The following BCKDHB variants were observed in gnomAD, a reference collection of about 807,000 sequenced individuals.
BCKDHB encodes 2-oxoisovalerate dehydrogenase subunit beta, mitochondrial.
In BCKDHB, 41 loss-of-function variants were observed where a neutral mutation model predicts 48.5. That is an observed-to-expected ratio of 0.85 (90% CI 0.66 to 1.10). The LOEUF is 1.10. Ranked by LOEUF, BCKDHB falls within the 50% of genes least tolerant of loss-of-function variation. BCKDHB has a pLI of 0.00. For missense variants in BCKDHB, 496 were observed against 494.2 expected (o/e 1.00, Z -0.03); for synonymous variants, 201 against 174.8 (o/e 1.15, Z -1.18).
the BCKDHB span, among the ~76,000 whole-genome samples, chr6:80,385,944 T>TA: frequency 6.6e-6 from 1 of 152,120 alleles, no homozygotes; most frequent in African/African-American, 2.4e-5. Context: ...CTTGGGGAGT[T>TA]AAAAAAGTTC....
At chr6:80,230,023 G>GTTTTTTTTTTTTTTTTTTTTTTTTTTTT (rs1215666594) in intron 8 of BCKDHB, among the ~76,000 whole-genome samples, 1 of 89,510 alleles carries the variant, frequency 1.1e-5, no homozygotes, top group Non-Finnish European at 2.0e-5. Flanking sequence ...GGGTTTTTAG[G>GTTTTTTTTTTTTTTTTTTTTTTTTTTTT]TTGTTTTTTT....
intron 9 of BCKDHB, among the ~76,000 whole-genome samples, chr6:80,284,396 A>G (rs1210689191): frequency 1.3e-5 from 2 of 152,134 alleles, no homozygotes; most frequent in Non-Finnish European, 2.9e-5. Flanking sequence ...CAAATCTATC[A>G]ATATTAATGT....
chr6:80,279,157 TG>T (rs776157020), intron 9 of BCKDHB, among the ~76,000 whole-genome samples: 2 of 151,840 alleles, frequency 1.3e-5, no homozygotes, highest in East Asian at 1.9e-4. Flanking sequence ...TGTTTTGTTT[TG>T]TTTTTTTGAG....
chr6:80,402,823 C>T, the BCKDHB span, among the ~76,000 whole-genome samples: 5 of 151,792 alleles, frequency 3.3e-5, no homozygotes, highest in Middle Eastern at 3.4e-3. Flanking sequence ...TTTGCATGCA[C>T]ATAACCAGGT....
the BCKDHB span, among the ~76,000 whole-genome samples, chr6:80,407,181 T>C: frequency 1.3e-5 from 2 of 152,208 alleles, no homozygotes; most frequent in South Asian, 2.1e-4. Context: ...TGTGGTGTTA[T>C]TTCTGAGGCC....
intron 8 of BCKDHB, among the ~76,000 whole-genome samples, chr6:80,272,415 T>C (rs2127963897): frequency 6.6e-6 from 1 of 152,312 alleles, no homozygotes; most frequent in East Asian, 1.9e-4. Flanking sequence ...AATAACCTGC[T>C]GTTGATTTTA....
At position 80,170,209 on chromosome 6, in the gene BCKDHB, A is replaced by G. The variant is rs150880403; in HGVS notation, c.634-1073A>G. Among the ~76,000 whole-genome samples the G allele has an allele frequency of 6.4e-3, 981 of 152,304 alleles. 10 individuals are homozygous for G. Among genetic ancestry groups the G allele is most frequent in the African/African-American group, 0.022 (924 of 41,564 alleles). ...CAGAACAGAAAATAAAATTTTTTAT[A>G]CAGAAAATAGTGACATTTTTGCTGC... On this transcript the variant is annotated intron_variant, in intron 5 of 9. Coordinates refer to ENST00000320393, the MANE Select transcript of BCKDHB (RefSeq NM_183050.4).
At chr6:80,332,339 C>T (rs1029375387) in intron 9 of BCKDHB, among the ~76,000 whole-genome samples, 1 of 152,082 alleles carries the variant, frequency 6.6e-6, no homozygotes, top group Non-Finnish European at 1.5e-5. Flanking sequence ...ATGGCTTGTT[C>T]TGGTATGTGT....
the BCKDHB span, among the ~76,000 whole-genome samples, chr6:80,427,240 G>A: frequency 1.3e-5 from 2 of 151,892 alleles, no homozygotes; most frequent in Admixed American, 1.3e-4. Context: ...CTAATTCTTG[G>A]ATTTGTTTTT....
At chr6:80,212,180 C>T (rs1433101501) in intron 8 of BCKDHB, among the ~76,000 whole-genome samples, 2 of 152,168 alleles carry the variant, frequency 1.3e-5, no homozygotes, top group African/African-American at 2.4e-5. Context: ...AGCAGAGAAC[C>T]GGTCTGACCA....
In BCKDHB at chr6:80,106,733, C is replaced by G; in HGVS notation, c.40C>G (p.Leu14Val). 1 of 1,559,890 alleles carries G rather than the reference C, an allele frequency of 6.4e-7. No individual in the cohort carries two copies. Residue 14 changes from leucine (L) to valine (V), a missense_variant, in exon 1 of 10, where the codon CTC (leucine) becomes GTC (valine). Transcript: ENST00000320393. ...GGCGGCTGCCGGCTGGCTACTCAGG[C>G]TCAGGGCGGCAGGGGCTGAGGGGCA... is the stretch of plus-strand genomic sequence containing the variant. Reference protein sequence around the residue: ...VAAAAGWLLRLRAAGAEGHWR... With the variant: ...VAAAAGWLLRVRAAGAEGHWR...
At chr6:80,241,480 C>T (rs906607021) in intron 8 of BCKDHB, among the ~76,000 whole-genome samples, 3 of 152,102 alleles carry the variant, frequency 2.0e-5, no homozygotes, top group Admixed American at 6.5e-5. Flanking sequence ...TTCCTTTGTG[C>T]TTGTTGGTTT....
chr6:80,402,867 G>T, the BCKDHB span, among the ~76,000 whole-genome samples: 2 of 151,644 alleles, frequency 1.3e-5, no homozygotes, highest in African/African-American at 2.4e-5. Flanking sequence ...GATTATCCTT[G>T]CTCCATTGCA....
chr6:80,124,176 G>T (rs552088575), intron 1 of BCKDHB, among the ~76,000 whole-genome samples: 1 of 152,182 alleles, frequency 6.6e-6, no homozygotes, highest in Non-Finnish European at 1.5e-5. Context: ...GGAGCAGGTT[G>T]TTCAGTTTCC....
chr6:80,222,571 A>C (rs1353057565), intron 8 of BCKDHB, among the ~76,000 whole-genome samples: 1 of 152,002 alleles, frequency 6.6e-6, no homozygotes, highest in African/African-American at 2.4e-5. Flanking sequence ...TTTTTTCTTC[A>C]TGGAGCTGTT....
chr6:80,138,317 AGTTTT>A (rs1770998273), intron 3 of BCKDHB, among the ~76,000 whole-genome samples: 4 of 151,962 alleles, frequency 2.6e-5, no homozygotes, highest in Admixed American at 2.6e-4. Context: ...TTATACTTTA[AGTTTT>A]AGGGTACATA....
intron 3 of BCKDHB, among the ~76,000 whole-genome samples, chr6:80,140,470 T>A (rs1771139211): frequency 6.6e-6 from 1 of 152,228 alleles, no homozygotes; most frequent in South Asian, 2.1e-4. Context: ...TATTTTGAGA[T>A]ACGTCCCATG....
chr6:80,127,729 T>G, intron 2 of BCKDHB, 105 bp downstream of exon 2: 1 of 1,058,704 alleles, frequency 9.4e-7, no homozygotes, highest in East Asian at 2.4e-5. Context: ...TGTATCTACC[T>G]GACATTTTCA....
Position 80,344,118 on chromosome 6 carries a change from C to T in BCKDHB, c.*314C>T, listed in dbSNP as rs1303648481. Reference sequence around the variant, plus strand: ...CCCCTGAGTTCAAGCGATTCTCCTGCCTCAGCCTGCTGAGTAGTTGGGATT... The same window carrying T: ...CCCCTGAGTTCAAGCGATTCTCCTGTCTCAGCCTGCTGAGTAGTTGGGATT... On this transcript the variant is annotated 3_prime_UTR_variant, in exon 10 of 10. Coordinates refer to ENST00000320393, the MANE Select transcript of BCKDHB (RefSeq NM_183050.4). 8.2e-6 allele frequency: 3 copies of T among 365,670 alleles called. No homozygotes were observed. The highest frequency in any genetic ancestry group is 6.3e-5 in the African/African-American group (3 of 47,462). The allele number at this position is 365,670 out of a possible 1,614,324, so 22.7% of individuals were successfully genotyped here.
Sources: allele counts gnomAD v4.1 joint callset (sites outside exome capture counted in the v4.1 genomes callset), GRCh38; gene constraint gnomAD v4.1.1; transcripts MANE v1.5; gene names NCBI Gene and HGNC (gene_info 2026-07-23, HGNC 2026-07-21).